The following TULP4 variants were observed in gnomAD, a reference collection of about 807,000 sequenced individuals.
TULP4 encodes the protein tubby-related protein 4.
TULP4 carries 16 observed loss-of-function variants against 129.0 expected under a neutral mutation model. The ratio of observed to expected loss-of-function variants is 0.12; its 90% CI spans 0.08 to 0.19. TULP4 has a LOEUF of 0.19. Ranked by LOEUF, TULP4 falls within the 10% of genes least tolerant of loss-of-function variation. The pLI, the probability that TULP4 is intolerant of heterozygous loss-of-function variation, is 1.00. For synonymous variants in TULP4, 998 were observed against 854.0 expected, an observed-to-expected ratio of 1.17 and a Z score of -2.94; for missense variants, 1,842 against 2,059.1, an observed-to-expected ratio of 0.89 and a Z score of 2.04.
intron 1 of TULP4, among the ~76,000 whole-genome samples, chr6:158,351,060 T>C (rs997113323): frequency 2.6e-5 from 4 of 152,210 alleles, no homozygotes; most frequent in Admixed American, 6.5e-5. Context: ...GGCCCTGTTT[T>C]GGTCTTTATC....
At chr6:158,258,330 T>C (rs1056961616) in intron 1 of TULP4, among the ~76,000 whole-genome samples, 7 of 152,240 alleles carry the variant, frequency 4.6e-5, no homozygotes, top group African/African-American at 1.7e-4. Flanking sequence ...TTATTCCTTT[T>C]CTGTCATGGA....
intron 1 of TULP4, among the ~76,000 whole-genome samples, chr6:158,259,398 T>A (rs766888393): frequency 6.6e-6 from 1 of 152,242 alleles, no homozygotes; most frequent in South Asian, 2.1e-4. Flanking sequence ...CTTCCTCTTA[T>A]GGTTGTTTGG....
intron 13 of TULP4, among the ~76,000 whole-genome samples, chr6:158,505,777 T>C (rs1206939105): frequency 6.6e-6 from 1 of 152,222 alleles, no homozygotes; most frequent in African/African-American, 2.4e-5. Context: ...CTGGCCTGTT[T>C]GTGTTTCTTT....
intron 9 of TULP4, among the ~76,000 whole-genome samples, chr6:158,491,441 CTTTTCTTTCTTTCT>C (rs1780201670): frequency 0.011 from 389 of 36,810 alleles, 2 homozygotes; most frequent in Middle Eastern, 0.054. Context: ...TTCTTTCTTT[CTTTTCTTTCTTTCT>C]TTTCTTTCTT....
intron 1 of TULP4, among the ~76,000 whole-genome samples, chr6:158,283,682 C>T (rs1428091145): frequency 6.6e-6 from 1 of 152,226 alleles, no homozygotes; most frequent in Non-Finnish European, 1.5e-5. Flanking sequence ...CACTTACCTA[C>T]CAGTCATCCT....
intron 3 of TULP4, among the ~76,000 whole-genome samples, chr6:158,447,654 T>C (rs1281186499): frequency 6.6e-6 from 1 of 152,224 alleles, no homozygotes; most frequent in African/African-American, 2.4e-5. Flanking sequence ...CACATAGCTA[T>C]GGACTGTCTC....
At chr6:158,344,258 G>C (rs557570431) in intron 1 of TULP4, among the ~76,000 whole-genome samples, 1 of 152,214 alleles carries the variant, frequency 6.6e-6, no homozygotes, top group Admixed American at 6.5e-5. Context: ...TCTTTTTTCG[G>C]ACTCAGCCCA....
At chr6:158,340,681 A>G (rs187843410) in intron 1 of TULP4, among the ~76,000 whole-genome samples, 2 of 152,098 alleles carry the variant, frequency 1.3e-5, no homozygotes, top group East Asian at 3.9e-4. Flanking sequence ...GCTGAGTCCT[A>G]CCTCCTCGAC....
intron 1 of TULP4, among the ~76,000 whole-genome samples, chr6:158,363,312 T>C (rs927071799): frequency 6.6e-6 from 1 of 152,178 alleles, no homozygotes; most frequent in Admixed American, 6.5e-5. Context: ...TGTTAACATA[T>C]CACAGATCGC....
At chr6:158,481,894 G>A (rs141701217) in intron 8 of TULP4, among the ~76,000 whole-genome samples, 25 of 152,272 alleles carry the variant, frequency 1.6e-4, no homozygotes, top group African/African-American at 6.0e-4. Context: ...ATCCTAGATT[G>A]TAAGCTTCAG....
At chr6:158,445,095 T>G (rs1170002945) in intron 3 of TULP4, among the ~76,000 whole-genome samples, 2 of 152,226 alleles carry the variant, frequency 1.3e-5, no homozygotes, top group Non-Finnish European at 2.9e-5. Context: ...ATTACAGGTG[T>G]GAGCCGTGGT....
intron 1 of TULP4, among the ~76,000 whole-genome samples, chr6:158,269,347 C>T (rs960823761): frequency 4.1e-5 from 6 of 146,662 alleles, no homozygotes; most frequent in African/African-American, 1.3e-4. Flanking sequence ...CATAACCTTA[C>T]TTAAACTCTT....
chr6:158,488,424 G>A (rs188441356), intron 8 of TULP4, among the ~76,000 whole-genome samples: 1 of 152,104 alleles, frequency 6.6e-6, no homozygotes, highest in Non-Finnish European at 1.5e-5. Context: ...TCCAGGCGTC[G>A]AGCCTCCTGA....
chr6:158,279,194 G>A (rs562164499), upstream of TULP4, among the ~76,000 whole-genome samples: 4 of 151,924 alleles, frequency 2.6e-5, no homozygotes, highest in Admixed American at 6.5e-5. Context: ...CGCCTGCCTC[G>A]GCCTCCCTAA....
rs138391102 is a variant in TULP4, at chr6:158,452,930, A to G, written c.859+662A>G. 3.5e-3 allele frequency among the ~76,000 whole-genome samples: 538 copies of G among 152,312 alleles called. 2 individuals are homozygous for G. Among genetic ancestry groups the G allele is most frequent in the African/African-American group, 0.012 (488 of 41,564 alleles). ...CCCCATTGATGTGAGTTCTATGGAA[A>G]AACAATCTGTCTCTTCAGGGTTGAA... On this transcript the variant is annotated intron_variant, in intron 5 of 13. Transcript: ENST00000367097.
chr6:158,354,130 T>G (rs1284721432), intron 1 of TULP4, among the ~76,000 whole-genome samples: 2 of 152,226 alleles, frequency 1.3e-5, no homozygotes, highest in Non-Finnish European at 2.9e-5. Flanking sequence ...AGAGTAATTG[T>G]GTGACCACTG....
At chr6:158,486,557 A>C (rs991426823) in intron 8 of TULP4, among the ~76,000 whole-genome samples, 4 of 152,044 alleles carry the variant, frequency 2.6e-5, no homozygotes, top group Admixed American at 2.0e-4. Flanking sequence ...GTCTCAAAAA[A>C]AAAGGCAAGG....
At chr6:158,325,998 C>T (rs1249464372) in intron 1 of TULP4, among the ~76,000 whole-genome samples, 6 of 149,694 alleles carry the variant, frequency 4.0e-5, no homozygotes, top group Middle Eastern at 3.5e-3. Context: ...ATTCCCATCT[C>T]GTTAGGCTGA....
chr6:158,413,016 G>T lies in TULP4; in HGVS notation c.253-49G>T. On this transcript the variant is annotated intron_variant, in intron 1 of 13. Coordinates refer to ENST00000367097, the MANE Select transcript of TULP4 (RefSeq NM_020245.5). The surrounding 1 kb of genome is among the most constrained non-coding windows in gnomAD (Gnocchi z 4.9). ...TGATCACATCACAGAAATAATCCTG[G>T]CCCACAGATTTATTTCCTGTGGTAA... 6.4e-7 allele frequency: 1 copy of T among 1,571,718 alleles called. No homozygotes were observed. Among genetic ancestry groups the T allele is most frequent in the South Asian group, 1.2e-5 (1 of 85,880 alleles).
Sources: allele counts gnomAD v4.1 joint callset (sites outside exome capture counted in the v4.1 genomes callset), GRCh38; gene constraint gnomAD v4.1.1; non-coding constraint Gnocchi (gnomAD v3.1); transcripts MANE v1.5; gene names NCBI Gene and HGNC (gene_info 2026-07-23, HGNC 2026-07-21).